The following KIF6 variants were observed in gnomAD, a reference collection of about 807,000 sequenced individuals.
KIF6 encodes kinesin family member 6.
A neutral mutation model predicts 112.7 loss-of-function variants in KIF6; 106 were observed. The observed-to-expected ratio is 0.94, with a 90% confidence interval of 0.80 to 1.11. The LOEUF is 1.11. Ranked by LOEUF, KIF6 falls within the 50% of genes least tolerant of loss-of-function variation. The pLI is 0.00. For synonymous variants in KIF6, 339 were observed against 339.9 expected (o/e 1.00, Z 0.03); for missense variants, 929 against 964.0 (o/e 0.96, Z 0.48).
intron 19 of KIF6, among the ~76,000 whole-genome samples, chr6:39,349,330 A>G (rs1764032796): frequency 2.6e-5 from 4 of 151,518 alleles, no homozygotes; most frequent in Admixed American, 2.6e-4. Flanking sequence ...TCCACCATGG[A>G]CTCTCTCGGA....
chr6:39,577,629 A>G (rs1051419231), intron 10 of KIF6, among the ~76,000 whole-genome samples: 1 of 152,232 alleles, frequency 6.6e-6, no homozygotes, highest in African/African-American at 2.4e-5. Context: ...CCATCCATTT[A>G]TTAAAAGAGA....
chr6:39,346,087 C>CTCTCTCTCTCT (rs1562112885), intron 20 of KIF6, among the ~76,000 whole-genome samples: 9 of 2,814 alleles, frequency 3.2e-3, no homozygotes, highest in Admixed American at 9.3e-3. Context: ...TCTCTCTCTC[C>CTCTCTCTCTCT]CCCCCCTCTC....
chr6:39,589,156 G>A (rs1389090404), intron 7 of KIF6, among the ~76,000 whole-genome samples: 1 of 152,154 alleles, frequency 6.6e-6, no homozygotes, highest in Non-Finnish European at 1.5e-5. Flanking sequence ...TGAAATTGCT[G>A]TTCCTTCTGC....
chr6:39,690,373 G>C (rs1788125338), intron 3 of KIF6: 1 of 152,060 alleles, frequency 6.6e-6, no homozygotes, highest in Non-Finnish European at 1.5e-5. Flanking sequence ...CCTTGAATAA[G>C]GAACTTATAC....
chr6:39,493,890 T>G (rs558504281), intron 13 of KIF6, among the ~76,000 whole-genome samples: 1 of 152,358 alleles, frequency 6.6e-6, no homozygotes, highest in East Asian at 1.9e-4. Flanking sequence ...TTTCAGAGCC[T>G]TCTTTTGGCC....
intron 15 of KIF6, among the ~76,000 whole-genome samples, chr6:39,418,033 A>G (rs1187947180): frequency 7.0e-6 from 1 of 143,422 alleles, no homozygotes; most frequent in Non-Finnish European, 1.5e-5. Flanking sequence ...CAAGTAGACT[A>G]TCACTGCCCA....
intron 16 of KIF6, among the ~76,000 whole-genome samples, chr6:39,368,572 A>T (rs1765741433): frequency 6.6e-6 from 1 of 152,156 alleles, no homozygotes; most frequent in Non-Finnish European, 1.5e-5. Flanking sequence ...GGGCTGAGAG[A>T]CAGTCTTAGT....
chr6:39,435,115 A>G (rs1581850691), intron 13 of KIF6, among the ~76,000 whole-genome samples: 1 of 152,276 alleles, frequency 6.6e-6, no homozygotes, highest in East Asian at 1.9e-4. Context: ...CGGCTCTTAG[A>G]TCAGTTTTTC....
intron 15 of KIF6, 40 bp from the exon 16 acceptor site, chr6:39,385,712 A>G (rs373686438): frequency 6.7e-4 from 936 of 1,398,344 alleles, no homozygotes; most frequent in Non-Finnish European, 8.8e-4. Context: ...TGGGTTTCCA[A>G]TGGGCTGGAG....
intron 10 of KIF6, among the ~76,000 whole-genome samples, chr6:39,555,698 A>G (rs900260230): frequency 1.3e-5 from 2 of 152,134 alleles, no homozygotes. Flanking sequence ...CATACCTGTA[A>G]TCCCAGCACT....
At chr6:39,480,593 C>G (rs936766215) in intron 13 of KIF6, among the ~76,000 whole-genome samples, 7 of 152,020 alleles carry the variant, frequency 4.6e-5, no homozygotes, top group African/African-American at 1.7e-4. Context: ...GGGAGGATTC[C>G]CTCTTCTGTA....
intron 3 of KIF6, among the ~76,000 whole-genome samples, chr6:39,646,531 C>T (rs1287375483): frequency 6.6e-6 from 1 of 152,016 alleles, no homozygotes; most frequent in Non-Finnish European, 1.5e-5. Context: ...TGAAGCAGCA[C>T]CTTAAAAGTT....
chr6:39,674,788 G>C (rs1341605027), intron 3 of KIF6, among the ~76,000 whole-genome samples: 1 of 149,066 alleles, frequency 6.7e-6, no homozygotes, highest in Non-Finnish European at 1.5e-5. Flanking sequence ...AAATGACTCA[G>C]GGCTGGGAGG....
intron 4 of KIF6, among the ~76,000 whole-genome samples, chr6:39,637,568 G>A (rs1387636324): frequency 6.6e-6 from 1 of 151,918 alleles, no homozygotes; most frequent in Non-Finnish European, 1.5e-5. Context: ...TAGGCACTGG[G>A]CTCTTACTGT....
intron 19 of KIF6, among the ~76,000 whole-genome samples, chr6:39,350,577 C>A (rs1432797850): frequency 6.6e-6 from 1 of 152,150 alleles, no homozygotes; most frequent in Non-Finnish European, 1.5e-5. Flanking sequence ...AGGAGAAGGC[C>A]AGTGCTGTCT....
intron 13 of KIF6, among the ~76,000 whole-genome samples, chr6:39,476,728 A>G (rs1774448491): frequency 1.3e-5 from 2 of 152,208 alleles, no homozygotes; most frequent in African/African-American, 2.4e-5. Flanking sequence ...CCAGTCCCTC[A>G]CCTTTCTGAG....
chr6:39,565,312 C>T (rs1454874475), intron 10 of KIF6, among the ~76,000 whole-genome samples: 1 of 152,040 alleles, frequency 6.6e-6, no homozygotes, highest in Non-Finnish European at 1.5e-5. Context: ...TAGCAGATGC[C>T]ATGCTTCCTC....
intron 10 of KIF6, among the ~76,000 whole-genome samples, chr6:39,546,075 G>A (rs745316885): frequency 5.3e-5 from 8 of 152,146 alleles, no homozygotes; most frequent in Non-Finnish European, 7.3e-5. Flanking sequence ...TGGCACCTCA[G>A]TGATACCCCA....
intron 3 of KIF6, among the ~76,000 whole-genome samples, chr6:39,675,550 A>T (rs576388536): frequency 6.6e-6 from 1 of 152,234 alleles, no homozygotes; most frequent in South Asian, 2.1e-4. Context: ...ACAGGACTCC[A>T]GTAGACAATG....
Sources: allele counts gnomAD v4.1 joint callset (sites outside exome capture counted in the v4.1 genomes callset), GRCh38; gene constraint gnomAD v4.1.1; transcripts MANE v1.5; gene names NCBI Gene and HGNC (gene_info 2026-07-23, HGNC 2026-07-21).